The following MACC1 variants were observed in gnomAD, a reference collection of about 807,000 sequenced individuals.
The protein encoded by MACC1 is MET transcriptional regulator MACC1, also known as metastasis-associated in colon cancer protein 1.
In MACC1, 79 loss-of-function variants were observed where a neutral mutation model predicts 70.7. That is an observed-to-expected ratio of 1.12 (90% CI 0.93 to 1.35). The LOEUF (loss-of-function observed/expected upper bound fraction) is 1.35, where lower values mean the gene tolerates loss of function less well. MACC1 is among the 40% of genes most tolerant of loss of function. The pLI is 0.00. For missense variants in MACC1, 1,106 were observed against 978.1 expected (o/e 1.13, Z -1.74); for synonymous variants, 361 against 347.2 (o/e 1.04, Z -0.44).
intron 6 of MACC1, among the ~76,000 whole-genome samples, chr7:20,141,364 T>A (rs762046205): frequency 2.0e-5 from 3 of 152,208 alleles, no homozygotes; most frequent in Non-Finnish European, 4.4e-5. Context: ...CTAGAGATTT[T>A]AAAAATAATA....
intron 1 of MACC1, among the ~76,000 whole-genome samples, chr7:20,177,647 G>T (rs1034674405): frequency 9.1e-6 from 1 of 109,314 alleles, no homozygotes; most frequent in Non-Finnish European, 1.7e-5. Flanking sequence ...CCATTTTAAC[G>T]CACTTTTTTC....
rs373061346 is a variant in MACC1 at position 20,158,418 on chromosome 7, T to A, written c.1943A>T (p.Tyr648Phe). The A allele has an allele frequency of 6.2e-7, 1 of 1,613,864 alleles. No homozygotes were observed. The highest frequency in any genetic ancestry group is 1.3e-5 in the African/African-American group (1 of 75,062). Residue 648 changes from tyrosine (Y) to phenylalanine (F), a missense_variant, in exon 5 of 7, where the codon TAT (tyrosine) becomes TTT (phenylalanine). Physicochemically the swap from Tyr to Phe is conservative, Grantham distance 22. Coordinates refer to ENST00000400331, the MANE Select transcript of MACC1 (RefSeq NM_182762.4). ...QIVLPLKKLT[Y>F]IYSVVLTLVS... Reference sequence around the variant, plus strand: ...CAAGGTTAATACAACTGAGTAGATATAAGTCAATTTTTTTAAAGGCAGGAC... The same window carrying A: ...CAAGGTTAATACAACTGAGTAGATAAAAGTCAATTTTTTTAAAGGCAGGAC...
chr7:20,205,564 C>T (rs749804303), intron 1 of MACC1, among the ~76,000 whole-genome samples: 1 of 152,068 alleles, frequency 6.6e-6, no homozygotes, highest in Non-Finnish European at 1.5e-5. Context: ...CACCTAGTTA[C>T]CAAAAAATAT....
In MACC1 at chr7:20,159,731, C is replaced by G; in HGVS notation, c.630G>C (p.Ala210=). 1 of 1,614,094 alleles carries G rather than the reference C, an allele frequency of 6.2e-7. No individual in the cohort carries two copies. Residue 210 remains alanine (A), a synonymous_variant, in exon 5 of 7, where the codon GCG becomes GCC. Transcript: ENST00000400331. ...QSPGWAQTQL[A]EVTIACKVNH... ...TTACTTTGCAAGCTATGGTGACCTC[C>G]GCAAGTTGTGTCTGGGCCCATCCAG...
chr7:20,213,810 C>G (rs1783031345), intron 1 of MACC1, among the ~76,000 whole-genome samples: 1 of 152,000 alleles, frequency 6.6e-6, no homozygotes, highest in African/African-American at 2.4e-5. Context: ...GGGTACTAGG[C>G]TTAATACCTG....
intron 1 of MACC1, among the ~76,000 whole-genome samples, chr7:20,171,166 T>C (rs1277084369): frequency 6.6e-6 from 1 of 152,196 alleles, no homozygotes; most frequent in Non-Finnish European, 1.5e-5. Flanking sequence ...TATAGACATA[T>C]ATATGATTCA....
In MACC1 at chr7:20,158,796, T is replaced by G. The variant is rs1782093607; in HGVS notation, c.1565A>C (p.Gln522Pro). The G allele has an allele frequency of 6.2e-7, 1 of 1,614,030 alleles. No homozygotes were observed. Among genetic ancestry groups the G allele is most frequent in the South Asian group, 1.1e-5 (1 of 91,082 alleles). The change falls in exon 5 of 7, where the codon CAG (glutamine) becomes CCG (proline). Residue 522 changes from glutamine to proline, a missense_variant. Transcript: ENST00000400331. ...AGCAGACTTGATTTCCTCCTTCTTC[T>G]GCAAATAGCCTGGCAGATTCGAGAG... The part of the protein sequence containing the change: ...KRLSNLPGYL[Q>P]KKEEIKSAPL...
At chr7:20,209,300 C>T (rs904538441) in intron 1 of MACC1, among the ~76,000 whole-genome samples, 1 of 152,230 alleles carries the variant, frequency 6.6e-6, no homozygotes, top group African/African-American at 2.4e-5. Flanking sequence ...ACAATGCCAG[C>T]CTGTGAAAGC....
intron 1 of MACC1, among the ~76,000 whole-genome samples, chr7:20,178,580 C>T (rs950642892): frequency 9.9e-5 from 15 of 152,250 alleles, no homozygotes; most frequent in African/African-American, 2.9e-4. Flanking sequence ...CTATGGAGTA[C>T]ACCTATGCAG....
At chr7:20,194,427 T>G (rs1328578566) in intron 1 of MACC1, among the ~76,000 whole-genome samples, 1 of 152,142 alleles carries the variant, frequency 6.6e-6, no homozygotes. Flanking sequence ...CTAGTTTTCA[T>G]TAGAAAGAAA....
In MACC1 at chr7:20,140,804, CACACACACACACACACACACAG is replaced by C. The variant is rs1781785913; in HGVS notation, c.*120_*141del. ...CTTTTCTGAGATTCTTTCTTTCCTA[CACACACACACACACACACACAG>C]ACACACACACACAGACACACACACA... On this transcript the variant is annotated 3_prime_UTR_variant, in exon 7 of 7. Transcript: ENST00000400331. The C allele has an allele frequency of 1.8e-5, 1 of 54,750 alleles. No homozygotes were observed. The highest frequency in any genetic ancestry group is 5.4e-5 in the Non-Finnish European group (1 of 18,628). 3.4% of individuals were successfully genotyped at this position (54,750 alleles called of 1,614,324 possible).
chr7:20,177,847 G>A (rs1266976306), intron 1 of MACC1, among the ~76,000 whole-genome samples: 1 of 151,526 alleles, frequency 6.6e-6, no homozygotes, highest in Non-Finnish European at 1.5e-5. Context: ...CATTTGACTG[G>A]TTGTCCAGCC....
chr7:20,201,484 G>C (rs1011108431), intron 1 of MACC1, among the ~76,000 whole-genome samples: 25 of 152,242 alleles, frequency 1.6e-4, no homozygotes, highest in African/African-American at 5.8e-4. Context: ...ATGGGGGAGG[G>C]GCAAGAGGGA....
At chr7:20,173,878 T>A (rs1180746495) in intron 1 of MACC1, among the ~76,000 whole-genome samples, 1 of 152,226 alleles carries the variant, frequency 6.6e-6, no homozygotes, top group Admixed American at 6.5e-5. Flanking sequence ...GGAACTCTCC[T>A]GTCTTTTGAG....
intron 1 of MACC1, among the ~76,000 whole-genome samples, chr7:20,185,235 T>G (rs994454922): frequency 1.3e-5 from 2 of 152,232 alleles, no homozygotes; most frequent in Non-Finnish European, 2.9e-5. Flanking sequence ...TCAAATTCTA[T>G]CAATATCCCA....
Position 20,159,793 on chromosome 7 carries a change from G to C in MACC1, c.568C>G (p.Arg190Gly). 3 of 1,613,796 alleles carry C rather than the reference G, an allele frequency of 1.9e-6. No individual in the cohort carries two copies. The highest frequency in any genetic ancestry group is 1.7e-6 in the Non-Finnish European group (2 of 1,180,026). Residue 190 changes from arginine (R) to glycine (G), a missense_variant, in exon 5 of 7, where the codon CGC becomes GGC. Coordinates refer to ENST00000400331, the MANE Select transcript of MACC1 (RefSeq NM_182762.4). ...MAWLSQRQLA[R>G]SCLDLNTISQ... Reference sequence around the variant, plus strand: ...ATTGTATTCAAATCAAGGCAGGAGCGGGCCAGCTGGCGTTGACTTAACCAA... The same window carrying C: ...ATTGTATTCAAATCAAGGCAGGAGCCGGCCAGCTGGCGTTGACTTAACCAA...
rs1402053089 is a variant in MACC1, at chr7:20,138,484, T to A, written c.*2462A>T. Reference sequence around the variant, plus strand: ...TGGTTAGCTGACATGTTAATAAGATTCCAAGAATGTTCTAAAGAAAGCAAA... The same window carrying A: ...TGGTTAGCTGACATGTTAATAAGATACCAAGAATGTTCTAAAGAAAGCAAA... On this transcript the variant is annotated 3_prime_UTR_variant, in exon 7 of 7. Transcript: ENST00000400331. The A allele has an allele frequency of 6.6e-6, 1 of 152,082 alleles. No homozygotes were observed. Among genetic ancestry groups the A allele is most frequent in the Non-Finnish European group, 1.5e-5 (1 of 68,018 alleles). 9.4% of individuals were successfully genotyped at this position (152,082 alleles called of 1,614,324 possible).
intron 1 of MACC1, among the ~76,000 whole-genome samples, chr7:20,187,959 A>G (rs1782614418): frequency 1.3e-5 from 2 of 152,126 alleles, no homozygotes; most frequent in South Asian, 2.1e-4. Context: ...GGTTTAATTG[A>G]CTCACAGTTC....
At chr7:20,171,291 G>A (rs995566783) in intron 1 of MACC1, among the ~76,000 whole-genome samples, 6 of 148,244 alleles carry the variant, frequency 4.0e-5, no homozygotes, top group African/African-American at 1.0e-4. Flanking sequence ...TTGCTCTGTC[G>A]CCCAGGCTGG....
Sources: gnomAD v4.1 joint callset for allele counts (sites outside exome capture counted in the v4.1 genomes callset) on GRCh38, gnomAD v4.1.1 for gene constraint, MANE v1.5 for transcripts, NCBI Gene and HGNC (gene_info 2026-07-23, HGNC 2026-07-21) for gene names.